Variants in PVT1 observed in about 807,000 individuals in gnomAD.
The protein encoded by PVT1 is Pvt1 oncogene, also known as CXCR4/PVT1 fusion.
chr8:127,982,065 T>C (rs1442574966), intron 3 of PVT1, among the ~76,000 whole-genome samples: 1 of 152,208 alleles, frequency 6.6e-6, no homozygotes, highest in Non-Finnish European at 1.5e-5. Context: ...GCAGAGGTCT[T>C]GGGCGCCTTT....
chr8:127,973,100 G>A (rs1816782113), intron 3 of PVT1, among the ~76,000 whole-genome samples: 1 of 152,092 alleles, frequency 6.6e-6, no homozygotes, highest in Non-Finnish European at 1.5e-5. Flanking sequence ...ATGGAGTTTT[G>A]CTATGTTGCC....
intron 3 of PVT1, among the ~76,000 whole-genome samples, chr8:127,953,335 A>G (rs1053052212): frequency 6.6e-6 from 1 of 152,192 alleles, no homozygotes; most frequent in Non-Finnish European, 1.5e-5. Flanking sequence ...ATGAACAGAT[A>G]GATCTTGATG....
At chr8:127,863,673 G>A (rs947815341) in intron 2 of PVT1, among the ~76,000 whole-genome samples, 4 of 152,180 alleles carry the variant, frequency 2.6e-5, no homozygotes, top group Non-Finnish European at 2.9e-5. Context: ...TAAGGACAGC[G>A]ATCATGTCTC....
At chr8:128,050,895 C>T (rs1477208585) in intron 4 of PVT1, among the ~76,000 whole-genome samples, 2 of 152,180 alleles carry the variant, frequency 1.3e-5, no homozygotes, top group Non-Finnish European at 2.9e-5. Context: ...GGTTTTTCTG[C>T]CACAAAGTCA....
At chr8:127,806,495 G>A (rs1371260345) in intron 2 of PVT1, among the ~76,000 whole-genome samples, 1 of 152,008 alleles carries the variant, frequency 6.6e-6, no homozygotes, top group African/African-American at 2.4e-5. Flanking sequence ...GATGATAAAT[G>A]TGAAAAGATT....
chr8:127,899,470 C>G (rs1305470728), intron 3 of PVT1, among the ~76,000 whole-genome samples: 3 of 152,210 alleles, frequency 2.0e-5, no homozygotes, highest in African/African-American at 7.2e-5. Context: ...CTGTGAGTCT[C>G]TGGCTCCCCG....
chr8:127,859,499 A>C (rs980010945), intron 2 of PVT1, among the ~76,000 whole-genome samples: 10 of 152,106 alleles, frequency 6.6e-5, no homozygotes, highest in African/African-American at 2.4e-4. Flanking sequence ...TAAATAATTA[A>C]GTGGCAAACA....
chr8:127,838,682 T>C (rs1472676858), intron 2 of PVT1, among the ~76,000 whole-genome samples: 1 of 152,120 alleles, frequency 6.6e-6, no homozygotes, highest in African/African-American at 2.4e-5. Flanking sequence ...TCCAACCTGG[T>C]CAACAGAGTG....
At chr8:127,950,814 G>A (rs1228351367) in intron 3 of PVT1, among the ~76,000 whole-genome samples, 1 of 152,194 alleles carries the variant, frequency 6.6e-6, no homozygotes, top group East Asian at 1.9e-4. Flanking sequence ...AGCTCAGTCT[G>A]CTCAGCACTT....
intron 5 of PVT1, among the ~76,000 whole-genome samples, chr8:128,083,108 C>G (rs764426786): frequency 2.0e-5 from 3 of 152,152 alleles, no homozygotes; most frequent in Non-Finnish European, 4.4e-5. Flanking sequence ...TGTGGCGTGA[C>G]TTTAGACAAG....
At chr8:128,073,383 C>T (rs1814024232) in intron 5 of PVT1, among the ~76,000 whole-genome samples, 1 of 152,154 alleles carries the variant, frequency 6.6e-6, no homozygotes, top group African/African-American at 2.4e-5. Flanking sequence ...TCATTCCTCC[C>T]TCCCTTCCTT....
At chr8:127,919,654 C>A (rs916616730) in intron 3 of PVT1, among the ~76,000 whole-genome samples, 2 of 152,188 alleles carry the variant, frequency 1.3e-5, no homozygotes, top group Non-Finnish European at 2.9e-5. Context: ...TCTGACCTTC[C>A]CTCTGCCTGG....
chr8:127,984,360 G>A (rs555913603), intron 3 of PVT1, among the ~76,000 whole-genome samples: 29 of 152,286 alleles, frequency 1.9e-4, no homozygotes, highest in South Asian at 1.7e-3. Context: ...CGGAGCCATC[G>A]GGAAGTAGAG....
In PVT1 at chr8:127,913,092, C is replaced by T. The variant is rs190998106; in HGVS notation, n.782+22094C>T. 1.3e-4 allele frequency among the ~76,000 whole-genome samples: 20 copies of T among 152,202 alleles called. No individual in the cohort carries two copies. The East Asian group carries it at 2.3e-3, about 18-fold the overall frequency. ...CTTGAACTCCTGATCTCAAGTGATC[C>T]GCTTGCCTCGGCCTCCCAAAGTGCT... is the stretch of plus-strand genomic sequence containing the variant. On this transcript the variant is annotated intron_variant and non_coding_transcript_variant, in intron 3 of 10. Transcript: ENST00000651587.
chr8:128,017,795 C>T (rs1031172883), intron 4 of PVT1, among the ~76,000 whole-genome samples: 3 of 152,040 alleles, frequency 2.0e-5, no homozygotes, highest in Non-Finnish European at 4.4e-5. Flanking sequence ...TCATTTATAT[C>T]GGCAGCCATC....
At chr8:128,047,943 T>C (rs1382587877) in intron 4 of PVT1, among the ~76,000 whole-genome samples, 2 of 152,192 alleles carry the variant, frequency 1.3e-5, no homozygotes, top group East Asian at 1.9e-4. Context: ...GGGAACAATC[T>C]TGAAGCTATA....
chr8:128,087,391 C>T lies in PVT1; in HGVS notation n.1115-9127C>T, dbSNP rs147865191. Among the ~76,000 whole-genome samples the T allele has an allele frequency of 1.1e-3, 172 of 152,208 alleles. 2 individuals carry two copies. The highest frequency in any genetic ancestry group is 4.0e-3 in the African/African-American group (165 of 41,532). ...CCTAGGTGACATTATCCTAGTTTGC[C>T]GGAAAATGATGCTGCAACCAGCTTT... is the stretch of plus-strand genomic sequence containing the variant. On this transcript the variant is annotated intron_variant and non_coding_transcript_variant, in intron 5 of 10. Coordinates refer to ENST00000651587, the Ensembl canonical transcript of PVT1.
At chr8:128,035,249 A>G (rs1813447826) in intron 4 of PVT1, among the ~76,000 whole-genome samples, 2 of 152,286 alleles carry the variant, frequency 1.3e-5, no homozygotes, top group Admixed American at 1.3e-4. Context: ...TGGGCCTGCT[A>G]TTTAGGCTGC....
intron 4 of PVT1, among the ~76,000 whole-genome samples, chr8:128,006,339 C>T (rs948286027): frequency 2.6e-5 from 4 of 152,056 alleles, no homozygotes; most frequent in African/African-American, 9.7e-5. Context: ...GTACAATGCT[C>T]AGTTGCCACT....
Sources: allele counts gnomAD v4.1 joint callset (sites outside exome capture counted in the v4.1 genomes callset), GRCh38; gene constraint gnomAD v4.1.1; transcripts MANE v1.5; gene names NCBI Gene and HGNC (gene_info 2026-07-23, HGNC 2026-07-21).